RORA: variants seen among roughly 807,000 people sequenced by gnomAD.
RORA encodes RAR related orphan receptor A.
RORA carries 7 observed loss-of-function variants against 69.5 expected under a neutral mutation model. The ratio of observed to expected loss-of-function variants is 0.10; its 90% confidence interval spans 0.06 to 0.19. RORA has a LOEUF of 0.19. Ranked by LOEUF, RORA falls within the 10% of genes least tolerant of loss-of-function variation. The pLI, the probability that RORA is intolerant of heterozygous loss-of-function variation, is 1.00. For missense variants in RORA, 457 were observed against 663.0 expected (o/e 0.69, Z 3.41); for synonymous variants, 261 against 240.8 (o/e 1.08, Z -0.78).
intron 1 of RORA, among the ~76,000 whole-genome samples, chr15:61,084,749 A>C (rs1183553748): frequency 1.3e-5 from 2 of 152,134 alleles, no homozygotes; most frequent in Non-Finnish European, 2.9e-5. Context: ...AACTTCACCA[A>C]AAGTGTTTAG....
At chr15:60,773,172 T>C (rs1595703644) in intron 1 of RORA, among the ~76,000 whole-genome samples, 2 of 152,296 alleles carry the variant, frequency 1.3e-5, no homozygotes, top group East Asian at 3.9e-4. Context: ...TCTTGACAAG[T>C]CTATGAAAAC....
In RORA at chr15:61,059,995, GAAGAAGAAGAA is replaced by G. The variant is rs1566968787; in HGVS notation, c.166+169047_166+169057del. 2.5e-3 allele frequency among the ~76,000 whole-genome samples: 267 copies of G among 108,474 alleles called. 5 individuals are homozygous for G. The East Asian group carries it at 0.035, about 14-fold the overall frequency. 71.2% of individuals were successfully genotyped at this position (108,474 alleles called of 152,430 possible). ...GGAAGAGGAAGAGGAAGAGGAAGAA[GAAGAAGAAGAA>G]GAAGAAGAAGAAGAAGAAGAAGAAG... On this transcript the variant is annotated intron_variant, in intron 1 of 10. Coordinates refer to ENST00000335670, the MANE Select transcript of RORA (RefSeq NM_134261.3).
At position 60,707,334 on chromosome 15, in the gene RORA, TTTTATTTATTTA is replaced by T. The variant is rs35301219; in HGVS notation, c.167-28660_167-28649del. On this transcript the variant is annotated intron_variant, in intron 1 of 10. Transcript: ENST00000335670. ...GCATCCATGGTCATCTATTTCTTTA[TTTTATTTATTTA>T]TTTATTTATTTATTTATTTATTTAT... 1.9e-3 allele frequency among the ~76,000 whole-genome samples: 261 copies of T among 136,120 alleles called. 1 individual carries two copies. The highest frequency in any genetic ancestry group is 4.9e-3 in the African/African-American group (182 of 36,874). The allele number at this position is 136,120 out of a possible 152,430, so 89.3% of individuals were successfully genotyped here. A position where few individuals can be genotyped will look rare whatever the true frequency, so the allele number is the denominator to read the frequency against.
At chr15:60,817,727 C>A (rs1306113109) in intron 1 of RORA, among the ~76,000 whole-genome samples, 1 of 152,154 alleles carries the variant, frequency 6.6e-6, no homozygotes, top group Non-Finnish European at 1.5e-5. Flanking sequence ...TGAGGCCCCT[C>A]TAGGGTGCAC....
At chr15:60,673,118 A>G (rs1472897543) in intron 2 of RORA, among the ~76,000 whole-genome samples, 4 of 152,224 alleles carry the variant, frequency 2.6e-5, no homozygotes, top group East Asian at 1.9e-4. Context: ...TGAAGTGGGA[A>G]TACAAATACT....
chr15:61,206,446 C>T (rs547679499), intron 1 of RORA, among the ~76,000 whole-genome samples: 3 of 152,182 alleles, frequency 2.0e-5, no homozygotes, highest in African/African-American at 7.2e-5. Flanking sequence ...CTGGGAAACA[C>T]GTGGACAACC....
In RORA at chr15:60,490,760, C is replaced by G. The variant is rs1021156768; in HGVS notation, c.*6695G>C. On this transcript the variant is annotated 3_prime_UTR_variant, in exon 11 of 11. Coordinates refer to ENST00000335670, the MANE Select transcript of RORA (RefSeq NM_134261.3). The surrounding 1 kb of genome is among the most constrained non-coding windows in gnomAD (Gnocchi z 4.1). ...GATTATTTAACCTATTTTTTTTGTA[C>G]TTTGGAAACAAGAATATTGTTAAAG... is the stretch of plus-strand genomic sequence containing the variant. 1 of 151,806 alleles carries G rather than the reference C, an allele frequency of 6.6e-6. No individual in the cohort carries two copies. The highest frequency in any genetic ancestry group is 1.5e-5 in the Non-Finnish European group (1 of 67,904). 9.4% of individuals were successfully genotyped at this position (151,806 alleles called of 1,614,324 possible). A position where few individuals can be genotyped will look rare whatever the true frequency, so the allele number is the denominator to read the frequency against.
chr15:61,054,316 G>GA (rs71429587), intron 1 of RORA, among the ~76,000 whole-genome samples: 36,700 of 144,498 alleles, frequency 0.25, 4,608 homozygotes, highest in Middle Eastern at 0.34. Context: ...TTCATTTTCT[G>GA]AAAAAAAAAA....
At chr15:60,669,208 A>G (rs1425315591) in intron 2 of RORA, among the ~76,000 whole-genome samples, 1 of 152,192 alleles carries the variant, frequency 6.6e-6, no homozygotes, top group East Asian at 1.9e-4. Context: ...ATTTTAATGA[A>G]ATGGCAAGAA....
intron 1 of RORA, among the ~76,000 whole-genome samples, chr15:60,930,558 C>G (rs1053493254): frequency 6.6e-6 from 1 of 152,206 alleles, no homozygotes; most frequent in Non-Finnish European, 1.5e-5. Flanking sequence ...CCTCAGCCTC[C>G]CCTAGCAGAT....
intron 1 of RORA, among the ~76,000 whole-genome samples, chr15:60,924,392 A>T (rs1055468851): frequency 5.6e-5 from 5 of 89,600 alleles, no homozygotes; most frequent in African/African-American, 1.5e-4. Context: ...AAAAATATAG[A>T]AACAGATTTG....
At chr15:60,951,138 C>T (rs1289227347) in intron 1 of RORA, among the ~76,000 whole-genome samples, 2 of 152,186 alleles carry the variant, frequency 1.3e-5, no homozygotes, top group African/African-American at 2.4e-5. Context: ...AAGAATCTCA[C>T]TCAAAACTGC....
chr15:61,160,137 C>G (rs2079481646), intron 1 of RORA, among the ~76,000 whole-genome samples: 1 of 152,168 alleles, frequency 6.6e-6, no homozygotes, highest in African/African-American at 2.4e-5. Context: ...AAACTTAAAT[C>G]AACACTCCAC....
intron 1 of RORA, among the ~76,000 whole-genome samples, chr15:60,825,150 G>A (rs73428352): frequency 1.1e-4 from 16 of 152,266 alleles, no homozygotes; most frequent in African/African-American, 2.9e-4. Flanking sequence ...GTCAACCAGG[G>A]CACCTTCTAA....
intron 1 of RORA, among the ~76,000 whole-genome samples, chr15:61,182,276 T>C (rs530225948): frequency 6.6e-6 from 1 of 152,282 alleles, no homozygotes; most frequent in East Asian, 1.9e-4. Context: ...TCGCCTGAGG[T>C]CACACAGCTC....
At chr15:60,775,830 TAGA>T (rs1397814920) in intron 1 of RORA, among the ~76,000 whole-genome samples, 1 of 152,202 alleles carries the variant, frequency 6.6e-6, no homozygotes, top group Non-Finnish European at 1.5e-5. Context: ...ATTACTGACA[TAGA>T]AGAATTGTCT....
chr15:60,678,944 G>A (rs1471766549), intron 1 of RORA, among the ~76,000 whole-genome samples: 1 of 152,182 alleles, frequency 6.6e-6, no homozygotes, highest in Non-Finnish European at 1.5e-5. Flanking sequence ...TAACTAAACA[G>A]GGTTAAACAG....
At chr15:61,120,712 A>C (rs1420386941) in intron 1 of RORA, among the ~76,000 whole-genome samples, 1 of 151,776 alleles carries the variant, frequency 6.6e-6, no homozygotes, top group Non-Finnish European at 1.5e-5. Flanking sequence ...AAAAAAAAAA[A>C]AAAAAAACAT....
intron 1 of RORA, among the ~76,000 whole-genome samples, chr15:60,758,712 G>A (rs1161760678): frequency 6.6e-6 from 1 of 152,084 alleles, no homozygotes; most frequent in East Asian, 1.9e-4. Context: ...CCTGCCATCG[G>A]TACATAAGAA....
Sources: allele counts gnomAD v4.1 joint callset (sites outside exome capture counted in the v4.1 genomes callset), GRCh38; gene constraint gnomAD v4.1.1; non-coding constraint Gnocchi (gnomAD v3.1); transcripts MANE v1.5; gene names NCBI Gene and HGNC (gene_info 2026-07-23, HGNC 2026-07-21).